Variants in KIRREL1 observed in about 807,000 individuals in gnomAD.
The protein encoded by KIRREL1 is kirre like nephrin family adhesion molecule 1.
In KIRREL1, 25 loss-of-function variants were observed where a neutral mutation model predicts 83.3. The observed-to-expected ratio is 0.30, with a 90% confidence interval of 0.22 to 0.42. The LOEUF (loss-of-function observed/expected upper bound fraction) is 0.42. Among genes scored for constraint, KIRREL1 ranks in the 10% least tolerant of loss-of-function variants. The pLI is 1.00. For missense variants in KIRREL1, 812 were observed against 1,032.3 expected (o/e 0.79, Z 2.92); for synonymous variants, 388 against 410.4 (o/e 0.95, Z 0.66).
At chr1:158,060,754 C>T (rs927476948) in intron 1 of KIRREL1, among the ~76,000 whole-genome samples, 6 of 152,146 alleles carry the variant, frequency 3.9e-5, no homozygotes, top group African/African-American at 1.4e-4. Context: ...CCATGCAATA[C>T]AAGGTATTGA....
intron 3 of KIRREL1, among the ~76,000 whole-genome samples, chr1:158,081,623 G>A (rs1661859585): frequency 6.6e-6 from 1 of 152,174 alleles, no homozygotes. Flanking sequence ...ATAAAAACTT[G>A]CTTATAAACA....
rs1000555411 is a variant in KIRREL1 at position 158,100,124 on chromosome 1, G to A, written c.*5004G>A. 6.6e-6 allele frequency: 1 copy of A among 151,590 alleles called. No individual in the cohort carries two copies. The highest frequency in any genetic ancestry group is 2.4e-5 in the African/African-American group (1 of 41,302). The allele number at this position is 151,590 out of a possible 1,614,324, so 9.4% of individuals were successfully genotyped here. A position where few individuals can be genotyped will look rare whatever the true frequency, so the allele number is the denominator to read the frequency against. On this transcript the variant is annotated 3_prime_UTR_variant, in exon 15 of 15. Coordinates refer to ENST00000359209, the MANE Select transcript of KIRREL1 (RefSeq NM_018240.7). ...GGTTTTTAGCAATGTGTATCTGTGT[G>A]TCCCTCACACCTTTTCCTATTCTAC... is the stretch of plus-strand genomic sequence containing the variant.
intron 1 of KIRREL1, among the ~76,000 whole-genome samples, chr1:158,029,857 T>C (rs934917874): frequency 2.0e-5 from 3 of 152,264 alleles, no homozygotes; most frequent in African/African-American, 7.2e-5. Flanking sequence ...AGTAAAGCAC[T>C]CTATAACCTG....
At chr1:158,002,082 A>G (rs1347668199) in intron 1 of KIRREL1, among the ~76,000 whole-genome samples, 1 of 152,232 alleles carries the variant, frequency 6.6e-6, no homozygotes, top group Non-Finnish European at 1.5e-5. Context: ...AGAAAACCTT[A>G]GAGAAATACC....
At chr1:158,006,980 G>A (rs926616154) in intron 1 of KIRREL1, among the ~76,000 whole-genome samples, 16 of 152,218 alleles carry the variant, frequency 1.1e-4, no homozygotes, top group African/African-American at 3.9e-4. Flanking sequence ...AGCAGTGTAA[G>A]CAGAGAGAGG....
intron 4 of KIRREL1, among the ~76,000 whole-genome samples, chr1:158,085,118 A>T (rs1465449636): frequency 2.6e-5 from 4 of 152,208 alleles, no homozygotes; most frequent in African/African-American, 9.7e-5. Context: ...GGAAGCAGAG[A>T]TCCTTGTATA....
Position 158,094,531 on chromosome 1 carries a change from G to T in KIRREL1, c.1798-113G>T, listed in dbSNP as rs571015867. 1.0e-4 allele frequency: 126 copies of T among 1,244,840 alleles called. 2 individuals carry two copies. In the South Asian group the frequency reaches 1.5e-3, roughly 15 times the overall value. 77.1% of individuals were successfully genotyped at this position (1,244,840 alleles called of 1,614,324 possible). On this transcript the variant is annotated intron_variant, in intron 14 of 14. Transcript: ENST00000359209. The surrounding 1 kb of genome is among the most constrained non-coding windows in gnomAD (Gnocchi z 4.6). ...TTTGAAGGAGCAGAGGAGGTGGAAT[G>T]CTAGATGGGGACATAGGGAGAGCTG...
At chr1:158,035,193 T>A (rs568696937) in intron 1 of KIRREL1, among the ~76,000 whole-genome samples, 1 of 152,342 alleles carries the variant, frequency 6.6e-6, no homozygotes, top group South Asian at 2.1e-4. Flanking sequence ...AAGAGATCAA[T>A]TACTTACCAT....
At position 158,095,164 on chromosome 1, in the gene KIRREL1, G is replaced by A; in HGVS notation, c.*44G>A. The A allele has an allele frequency of 2.2e-6, 3 of 1,351,090 alleles. No individual in the cohort carries two copies. Among genetic ancestry groups the A allele is most frequent in the Non-Finnish European group, 3.1e-6 (3 of 979,666 alleles). 83.7% of individuals were successfully genotyped at this position (1,351,090 alleles called of 1,614,324 possible). On this transcript the variant is annotated 3_prime_UTR_variant, in exon 15 of 15. Coordinates refer to ENST00000359209, the MANE Select transcript of KIRREL1 (RefSeq NM_018240.7). ...GGCATCTCTGCGGGGCAGAGGAGAA[G>A]GCTTTCACAGCTGTTCCCTGATATT... is the stretch of plus-strand genomic sequence containing the variant.
At chr1:158,031,255 A>G (rs1255265867) in intron 1 of KIRREL1, 5 of 152,200 alleles carry the variant, frequency 3.3e-5, no homozygotes, top group African/African-American at 1.2e-4. Flanking sequence ...CCTAATATCA[A>G]ATAATAACTA....
At chr1:158,056,925 C>A (rs1661080889) in intron 1 of KIRREL1, among the ~76,000 whole-genome samples, 1 of 152,148 alleles carries the variant, frequency 6.6e-6, no homozygotes, top group African/African-American at 2.4e-5. Context: ...TCAGTCTTTG[C>A]CTTCTGCCAG....
rs79600073 is a variant in KIRREL1 at position 158,080,060 on chromosome 1, G to A, written c.352+1920G>A. Among the ~76,000 whole-genome samples the A allele has an allele frequency of 7.8e-3, 1,183 of 152,274 alleles. 6 individuals carry two copies. The highest frequency in any genetic ancestry group is 0.028 in the African/African-American group (1,149 of 41,520). On this transcript the variant is annotated intron_variant, in intron 3 of 14. Coordinates refer to ENST00000359209, the MANE Select transcript of KIRREL1 (RefSeq NM_018240.7). Reference sequence around the variant, plus strand: ...GGTTAGACAGCAAAAATTAGACGGTGATCTTGAATGCCAAGACATCATCTT... The same window carrying A: ...GGTTAGACAGCAAAAATTAGACGGTAATCTTGAATGCCAAGACATCATCTT...
In KIRREL1 at chr1:158,088,312, C is replaced by A. The variant is rs758879344; in HGVS notation, c.917-15C>A. On this transcript the variant is annotated splice_polypyrimidine_tract_variant and intron_variant, in intron 7 of 14. Transcript: ENST00000359209. ...AGCTTGAGACCCTAACGAGTGGCTT[C>A]TTTCTCCCTCACAGTTGCTCCCCGG... The A allele has an allele frequency of 1.9e-6, 3 of 1,604,068 alleles. No homozygotes were observed. The South Asian group carries it at 3.4e-5, about 18-fold the overall frequency.
chr1:158,026,886 G>A (rs1342057011), intron 1 of KIRREL1, among the ~76,000 whole-genome samples: 1 of 152,110 alleles, frequency 6.6e-6, no homozygotes, highest in African/African-American at 2.4e-5. Context: ...CCCTACAACA[G>A]TCAACACAGA....
In KIRREL1 at chr1:158,098,987, T is replaced by C. The variant is rs1662424166; in HGVS notation, c.*3867T>C. 4 of 152,370 alleles carry C rather than the reference T, an allele frequency of 2.6e-5. No homozygotes were observed. The highest frequency in any genetic ancestry group is 4.1e-4 in the South Asian group (2 of 4,832). 9.4% of individuals were successfully genotyped at this position (152,370 alleles called of 1,614,324 possible). A position where few individuals can be genotyped will look rare whatever the true frequency, so the allele number is the denominator to read the frequency against. On this transcript the variant is annotated 3_prime_UTR_variant, in exon 15 of 15. Coordinates refer to ENST00000359209, the MANE Select transcript of KIRREL1 (RefSeq NM_018240.7). ...CTATGTTCATAGCAATGTTCAGCCA[T>C]TTGGGTTTGAAGAAAACCACATTAA...
At chr1:158,061,276 G>A (rs889672724) in intron 1 of KIRREL1, among the ~76,000 whole-genome samples, 1 of 152,170 alleles carries the variant, frequency 6.6e-6, no homozygotes, top group East Asian at 1.9e-4. Flanking sequence ...TGAGATAGGT[G>A]TCACAAGCAA....
At position 158,051,411 on chromosome 1, in the gene KIRREL1, C is replaced by T. The variant is rs148098934; in HGVS notation, c.53-24702C>T. ...TGGTCACACAATGAACACCTATAGA[C>T]GACAGAAGTGGCATTATTGAAATAA... On this transcript the variant is annotated intron_variant, in intron 1 of 14. Coordinates refer to ENST00000359209, the MANE Select transcript of KIRREL1 (RefSeq NM_018240.7). 2.1e-3 allele frequency among the ~76,000 whole-genome samples: 324 copies of T among 152,268 alleles called. 1 individual carries two copies. Among genetic ancestry groups the T allele is most frequent in the African/African-American group, 6.7e-3 (278 of 41,534 alleles).
At chr1:158,092,353 T>TC (rs990946918) in intron 11 of KIRREL1, among the ~76,000 whole-genome samples, 2 of 146,982 alleles carry the variant, frequency 1.4e-5, no homozygotes, top group African/African-American at 5.1e-5. Context: ...GTCTTTTTTT[T>TC]TTTTTTTTTT....
intron 1 of KIRREL1, among the ~76,000 whole-genome samples, chr1:158,010,334 C>T (rs1659638222): frequency 7.2e-6 from 1 of 139,304 alleles, no homozygotes; most frequent in African/African-American, 2.7e-5. Context: ...TAAACACACA[C>T]ACACACACAC....
Sources: allele counts gnomAD v4.1 joint callset (sites outside exome capture counted in the v4.1 genomes callset), GRCh38; gene constraint gnomAD v4.1.1; non-coding constraint Gnocchi (gnomAD v3.1); transcripts MANE v1.5; gene names NCBI Gene and HGNC (gene_info 2026-07-23, HGNC 2026-07-21).